Variants in TMEM164 observed in about 807,000 individuals in gnomAD.
TMEM164 encodes transmembrane protein 164.
TMEM164 carries 4 observed loss-of-function variants against 18.8 expected under a neutral mutation model. That is an observed-to-expected ratio of 0.21 (90% confidence interval 0.10 to 0.49). TMEM164 has a LOEUF of 0.49. TMEM164 is among the 20% of genes least tolerant of loss of function. TMEM164 has a pLI of 0.98. For synonymous variants in TMEM164, 86 were observed against 101.7 expected (o/e 0.85, Z 0.93); for missense variants, 108 against 239.9 (o/e 0.45, Z 3.63).
At chrX:110,069,526 A>G (rs753646289) in intron 3 of TMEM164, among the ~76,000 whole-genome samples, 2 of 106,647 alleles carry the variant, frequency 1.9e-5, no homozygotes, top group Non-Finnish European at 3.9e-5. Context: ...CCCTTTGTCT[A>G]TCATCATTGT....
At chrX:110,036,650 T>C (rs1433016375) in intron 2 of TMEM164, among the ~76,000 whole-genome samples, 1 of 112,662 alleles carries the variant, frequency 8.9e-6, no homozygotes, top group African/African-American at 3.2e-5. Context: ...AGAGATGCTT[T>C]GCTGGTTACT....
At chrX:110,005,742 T>A (rs1932664462) in intron 2 of TMEM164, among the ~76,000 whole-genome samples, 1 of 111,923 alleles carries the variant, frequency 8.9e-6, no homozygotes, top group Non-Finnish European at 1.9e-5. Flanking sequence ...TTTCTTTTTT[T>A]ATGAATGGGC....
chrX:110,165,616 T>C lies in TMEM164; in HGVS notation c.587-5804T>C, dbSNP rs761103440. 5.0e-3 allele frequency among the ~76,000 whole-genome samples: 565 copies of C among 112,157 alleles called. 6 individuals are homozygous for C. Among genetic ancestry groups the C allele is most frequent in the African/African-American group, 0.017 (538 of 30,870 alleles). On this transcript the variant is annotated intron_variant, in intron 5 of 6. Transcript: ENST00000372068. ...TGTGGACTCTTTCTCATTGATCTTA[T>C]CCATACCCCAAGTCCTGTTTCCAGG...
chrX:110,075,169 T>G (rs1306190764), intron 3 of TMEM164, among the ~76,000 whole-genome samples: 1 of 111,867 alleles, frequency 8.9e-6, no homozygotes, highest in Non-Finnish European at 1.9e-5. Flanking sequence ...GTAAAGATCT[T>G]TCATCTCCTT....
chrX:110,082,461 G>A (rs1417262233), intron 3 of TMEM164, among the ~76,000 whole-genome samples: 5 of 111,767 alleles, frequency 4.5e-5, no homozygotes, highest in South Asian at 3.7e-4. Flanking sequence ...TACCAGTGCC[G>A]TTGACATCCA....
Position 110,058,609 on chromosome X carries a change from C to CTTTT in TMEM164, c.391-8727_391-8724dup, listed in dbSNP as rs34108969. 4.6e-4 allele frequency among the ~76,000 whole-genome samples: 37 copies of CTTTT among 81,216 alleles called. 1 individual carries two copies. The highest frequency in any genetic ancestry group is 7.8e-4 in the Non-Finnish European group (34 of 43,654). 70.5% of individuals were successfully genotyped at this position (81,216 alleles called of 115,157 possible). ...CCCTCCCCTCCCCTCCCCTTTCTTT[C>CTTTT]TTTTTTTTTTTTTTGAGACAGAGTC... is the stretch of plus-strand genomic sequence containing the variant. On this transcript the variant is annotated intron_variant, in intron 2 of 6. Coordinates refer to ENST00000372068, the MANE Select transcript of TMEM164 (RefSeq NM_032227.4).
rs2067258870 is a variant in TMEM164, at chrX:110,173,648, G to A, written c.*197G>A. On this transcript the variant is annotated 3_prime_UTR_variant, in exon 7 of 7. Coordinates refer to ENST00000372068, the MANE Select transcript of TMEM164 (RefSeq NM_032227.4). The stretch of plus-strand genomic sequence containing the variant: ...CCTACGATGTCTCCTTGAGCCTGGG[G>A]TGTAGTGCTGGGCGCTGGATTTTCC... 4.5e-6 allele frequency: 2 copies of A among 441,420 alleles called. No homozygotes were observed. Among genetic ancestry groups the A allele is most frequent in the Non-Finnish European group, 7.7e-6 (2 of 259,279 alleles). The allele number at this position is 441,420 out of a possible 1,213,427, so 36.4% of individuals were successfully genotyped here. A position where few individuals can be genotyped will look rare whatever the true frequency, so the allele number is the denominator to read the frequency against.
At chrX:110,039,957 A>G (rs964193399) in intron 2 of TMEM164, among the ~76,000 whole-genome samples, 4 of 111,415 alleles carry the variant, frequency 3.6e-5, no homozygotes, top group Non-Finnish European at 7.5e-5. Context: ...ATTGTCTTCA[A>G]AATCCCTGAG....
chrX:110,060,719 G>C (rs1480255687), intron 2 of TMEM164, among the ~76,000 whole-genome samples: 1 of 111,474 alleles, frequency 9.0e-6, no homozygotes, highest in Non-Finnish European at 1.9e-5. Flanking sequence ...ATCTGTGGTA[G>C]TTCCTTAGTC....
At chrX:110,107,134 G>A (rs73636941) in intron 3 of TMEM164, among the ~76,000 whole-genome samples, 7,564 of 112,061 alleles carry the variant, frequency 0.067, 600 homozygotes, top group African/African-American at 0.22. Flanking sequence ...ACTAAAAGGA[G>A]GGAAAGAGGA....
At chrX:110,056,519 A>G (rs1935841002) in intron 2 of TMEM164, among the ~76,000 whole-genome samples, 1 of 111,922 alleles carries the variant, frequency 8.9e-6, no homozygotes, top group Admixed American at 9.5e-5. Flanking sequence ...ATAGGTTTTT[A>G]TTTCCCTTGG....
At chrX:110,091,433 T>C (rs2065927524) in intron 3 of TMEM164, among the ~76,000 whole-genome samples, 1 of 112,294 alleles carries the variant, frequency 8.9e-6, no homozygotes, top group African/African-American at 3.2e-5. Context: ...CACTGTGGTT[T>C]TGATTTGCAT....
intron 4 of TMEM164, among the ~76,000 whole-genome samples, chrX:110,137,486 G>A (rs186542133): frequency 6.1e-4 from 68 of 111,750 alleles, no homozygotes; most frequent in South Asian, 4.9e-3. Flanking sequence ...CTCTTCTCTC[G>A]CTGTGTCTGC....
intron 3 of TMEM164, among the ~76,000 whole-genome samples, chrX:110,067,690 A>G (rs755898042): frequency 1.8e-5 from 2 of 112,433 alleles, no homozygotes; most frequent in Admixed American, 9.4e-5. Context: ...TCTTGAGAGC[A>G]TGCTAGGGGC....
At position 110,109,151 on chromosome X, in the gene TMEM164, G is replaced by A. The variant is rs1399526920; in HGVS notation, c.507+5G>A. The stretch of plus-strand genomic sequence containing the variant: ...CCTGTGGTAAACACTCGGCTGGTAA[G>A]TAGCCTCTTCTAGGAATGTAACAGC... On this transcript the variant is annotated splice_donor_5th_base_variant and intron_variant, in intron 4 of 6. Transcript: ENST00000372068. 1 of 1,205,585 alleles carries A rather than the reference G, an allele frequency of 8.3e-7. No homozygotes were observed. The highest frequency in any genetic ancestry group is 1.1e-6 in the Non-Finnish European group (1 of 889,944).
At chrX:110,037,984 A>ATTTTTTTTTTTTTT (rs1036705725) in intron 2 of TMEM164, among the ~76,000 whole-genome samples, 2 of 72,696 alleles carry the variant, frequency 2.8e-5, no homozygotes, top group African/African-American at 1.2e-4. Context: ...CTTTGGACTC[A>ATTTTTTTTTTTTTT]TTTTTTTTTT....
At chrX:110,087,660 C>T (rs949691540) in intron 3 of TMEM164, among the ~76,000 whole-genome samples, 1 of 110,612 alleles carries the variant, frequency 9.0e-6, no homozygotes, top group African/African-American at 3.3e-5. Context: ...AAACTCTTCC[C>T]TCACCCCGCC....
intron 2 of TMEM164, among the ~76,000 whole-genome samples, chrX:110,037,067 G>T (rs1934839751): frequency 9.0e-6 from 1 of 110,747 alleles, no homozygotes; most frequent in African/African-American, 3.3e-5. Context: ...TGACATTGTA[G>T]TTTTCTGGAA....
At chrX:110,171,017 C>T (rs1443130775) in intron 5 of TMEM164, among the ~76,000 whole-genome samples, 1 of 111,341 alleles carries the variant, frequency 9.0e-6, no homozygotes, top group African/African-American at 3.3e-5. Flanking sequence ...TTTAGAAACA[C>T]GAGGAAATAA....
Sources: gnomAD v4.1 joint callset for allele counts (sites outside exome capture counted in the v4.1 genomes callset) on GRCh38, gnomAD v4.1.1 for gene constraint, MANE v1.5 for transcripts, NCBI Gene and HGNC (gene_info 2026-07-23, HGNC 2026-07-21) for gene names.